SUMF1: variants seen among roughly 807,000 people sequenced by gnomAD.
SUMF1 encodes formylglycine-generating enzyme.
A neutral mutation model predicts 47.6 loss-of-function variants in SUMF1; 48 were observed. The ratio of observed to expected loss-of-function variants is 1.01; its 90% CI spans 0.80 to 1.28. The LOEUF (loss-of-function observed/expected upper bound fraction) is 1.28, where lower values mean the gene tolerates loss of function less well. Ranked by LOEUF, SUMF1 falls within the 50% of genes most tolerant of loss-of-function variation. The pLI is 0.00. For missense variants in SUMF1, 571 were observed against 485.4 expected (o/e 1.18, Z -1.66); for synonymous variants, 230 against 192.1 (o/e 1.20, Z -1.63).
chr3:4,392,613 GTGTA>G (rs1215663582), intron 7 of SUMF1, among the ~76,000 whole-genome samples: 222 of 77,812 alleles, frequency 2.9e-3, no homozygotes, highest in Admixed American at 8.3e-3. Flanking sequence ...GTGTGTGTGT[GTGTA>G]TATATATATA....
At chr3:4,346,200 T>C (rs1699369703) in intron 8 of SUMF1, among the ~76,000 whole-genome samples, 1 of 152,208 alleles carries the variant, frequency 6.6e-6, no homozygotes, top group African/African-American at 2.4e-5. Context: ...TACAGAACTC[T>C]CTACCCCAAA....
intron 8 of SUMF1, among the ~76,000 whole-genome samples, chr3:4,128,255 G>A (rs1346110404): frequency 6.6e-6 from 1 of 152,146 alleles, no homozygotes; most frequent in African/African-American, 2.4e-5. Flanking sequence ...TGCACGCACA[G>A]CCTCACCAGG....
chr3:4,201,057 A>G (rs1695530651), intron 8 of SUMF1, among the ~76,000 whole-genome samples: 1 of 152,106 alleles, frequency 6.6e-6, no homozygotes, highest in Non-Finnish European at 1.5e-5. Flanking sequence ...ATATATTGGT[A>G]TAGGCATACA....
intron 3 of SUMF1, among the ~76,000 whole-genome samples, chr3:4,448,047 A>AG (rs1553585528): frequency 6.6e-6 from 1 of 151,776 alleles, no homozygotes; most frequent in Non-Finnish European, 1.5e-5. Context: ...TTAAAAAAAA[A>AG]AGTAGGGCGG....
At chr3:4,299,416 T>C (rs1021927279) in intron 8 of SUMF1, among the ~76,000 whole-genome samples, 1 of 152,248 alleles carries the variant, frequency 6.6e-6, no homozygotes, top group African/African-American at 2.4e-5. Flanking sequence ...GTGACAGTCC[T>C]GTGAACCCGA....
chr3:4,360,567 G>A (rs533208688), downstream of SUMF1, among the ~76,000 whole-genome samples: 11 of 152,038 alleles, frequency 7.2e-5, no homozygotes, highest in Non-Finnish European at 1.3e-4. Context: ...TCCTGACCTT[G>A]AGTGATCTAC....
chr3:4,042,506 A>G (rs1006014828), intron 9 of SUMF1, among the ~76,000 whole-genome samples: 39 of 152,196 alleles, frequency 2.6e-4, no homozygotes, highest in Non-Finnish European at 5.9e-5. Flanking sequence ...CTTTGCAAGG[A>G]CATCTGCCCA....
chr3:4,253,758 C>A (rs1046084945), intron 8 of SUMF1, among the ~76,000 whole-genome samples: 2 of 145,426 alleles, frequency 1.4e-5, no homozygotes, highest in Admixed American at 6.8e-5. Flanking sequence ...GTGGAACCCA[C>A]CACAGCTCAA....
At chr3:4,316,955 C>T (rs891711579) in intron 8 of SUMF1, 19 of 1,549,306 alleles carry the variant, frequency 1.2e-5, no homozygotes, top group African/African-American at 1.4e-5. Flanking sequence ...TTCTCCACGA[C>T]AATGCCCGAC....
At chr3:4,366,553 G>C (rs1247820234) in intron 8 of SUMF1, among the ~76,000 whole-genome samples, 2 of 149,566 alleles carry the variant, frequency 1.3e-5, no homozygotes, top group Admixed American at 6.7e-5. Context: ...TCGAGCCTTG[G>C]CTTTCAGCTC....
At chr3:4,442,813 GAA>G (rs1037238965) in intron 3 of SUMF1, among the ~76,000 whole-genome samples, 1 of 151,866 alleles carries the variant, frequency 6.6e-6, no homozygotes, top group African/African-American at 2.4e-5. Flanking sequence ...TAAAAGTTCA[GAA>G]AAACTGAGTT....
At chr3:4,203,364 TG>T (rs1695581265) in intron 8 of SUMF1, among the ~76,000 whole-genome samples, 1 of 152,056 alleles carries the variant, frequency 6.6e-6, no homozygotes, top group Non-Finnish European at 1.5e-5. Flanking sequence ...TTCTGTTTTT[TG>T]CCTTTAAATC....
chr3:4,213,520 C>G (rs998380057), intron 8 of SUMF1, among the ~76,000 whole-genome samples: 1 of 152,134 alleles, frequency 6.6e-6, no homozygotes, highest in African/African-American at 2.4e-5. Context: ...GGCAAAACAA[C>G]CAGCTAGCAT....
chr3:4,429,301 T>C (rs989500954), intron 3 of SUMF1, among the ~76,000 whole-genome samples: 2 of 152,266 alleles, frequency 1.3e-5, no homozygotes, highest in African/African-American at 4.8e-5. Flanking sequence ...ATTTCAACTC[T>C]GTAAGAAGGC....
At chr3:4,264,097 A>G (rs75723886) in intron 8 of SUMF1, among the ~76,000 whole-genome samples, 3,835 of 152,290 alleles carry the variant, frequency 0.025, 155 homozygotes, top group African/African-American at 0.087. Flanking sequence ...ACTAAGTAAG[A>G]AAAGAAGGTC....
intron 8 of SUMF1, among the ~76,000 whole-genome samples, chr3:4,232,082 G>T (rs1441639827): frequency 6.6e-6 from 1 of 152,124 alleles, no homozygotes; most frequent in Non-Finnish European, 1.5e-5. Flanking sequence ...TGTAAATGGA[G>T]TCCATCTTAG....
At chr3:4,453,414 C>T (rs912492056) in intron 1 of SUMF1, among the ~76,000 whole-genome samples, 5 of 151,996 alleles carry the variant, frequency 3.3e-5, no homozygotes, top group Non-Finnish European at 7.4e-5. Context: ...TTTGCCCAGG[C>T]TGGGGTGCAG....
intron 8 of SUMF1, among the ~76,000 whole-genome samples, chr3:4,075,663 G>C (rs1458699310): frequency 1.3e-5 from 2 of 151,904 alleles, no homozygotes; most frequent in Non-Finnish European, 2.9e-5. Context: ...AAAATCAATA[G>C]GCAAAAATCA....
intron 8 of SUMF1, among the ~76,000 whole-genome samples, chr3:4,146,500 G>A (rs531209489): frequency 3.3e-5 from 5 of 151,922 alleles, no homozygotes; most frequent in Middle Eastern, 3.4e-3. Flanking sequence ...ACAAAAAGTC[G>A]GTAGTTATAG....
Sources: gnomAD v4.1 joint callset for allele counts (sites outside exome capture counted in the v4.1 genomes callset) on GRCh38, gnomAD v4.1.1 for gene constraint, MANE v1.5 for transcripts, NCBI Gene and HGNC (gene_info 2026-07-23, HGNC 2026-07-21) for gene names.